IRF3: variants seen among roughly 807,000 people sequenced by gnomAD.
IRF3 encodes the protein interferon regulatory factor 3.
In IRF3, 29 loss-of-function variants were observed where a neutral mutation model predicts 43.2. The observed-to-expected ratio is 0.67, with a 90% CI of 0.50 to 0.91. IRF3 has a LOEUF of 0.91. Among genes scored for constraint, IRF3 ranks in the 40% least tolerant of loss-of-function variants. The pLI is 0.00. For synonymous variants in IRF3, 228 were observed against 233.9 expected (o/e 0.97, Z 0.23); for missense variants, 505 against 559.1 (o/e 0.90, Z 0.98).
At chr19:49,663,630 T>G in intron 2 of IRF3, 116 bp from the exon 3 acceptor site, 1 of 963,632 alleles carries the variant, frequency 1.0e-6, no homozygotes. Context: ...AAGTTCTAAC[T>G]CTGCAAGGTC....
At chr19:49,662,362 G>A in intron 5 of IRF3, 34 bp from the exon 6 acceptor site, 1 of 1,608,390 alleles carries the variant, frequency 6.2e-7, no homozygotes, top group African/African-American at 1.3e-5. Flanking sequence ...GAAGGGGAGA[G>A]GGGTTGAGAA....
rs916501770 is a variant in IRF3 at position 49,662,160 on chromosome 19, A to G, written c.770T>C (p.Val257Ala). 6.2e-7 allele frequency: 1 copy of G among 1,613,670 alleles called. No individual in the cohort carries two copies. The highest frequency in any genetic ancestry group is 8.5e-7 in the Non-Finnish European group (1 of 1,179,940). ...DPGMSLTDRGVMSYVRHVLSC... is the reference protein window; with the variant it reads ...DPGMSLTDRGAMSYVRHVLSC... ...CAGCACATGCCTCACGTAGCTCATC[A>G]CTCCCCTGTCTGTCAGGGACATGCC... Residue 257 changes from valine to alanine, a missense_variant, in exon 6 of 8, where the codon GTG (valine) becomes GCG (alanine). By Grantham distance (64) the Val-to-Ala change is moderately conservative. Transcript: ENST00000377139.
Position 49,660,029 on chromosome 19 carries a change from C to CACACA in IRF3, c.1099-197_1099-196insTGTGT, listed in dbSNP as rs1568452113. Reference sequence around the variant, plus strand: ...CACACACACACACACACACACACACCCCCTGCTGTAACTGAACCATAGGCC... The same window carrying CACACA: ...CACACACACACACACACACACACACCACACACCCTGCTGTAACTGAACCATAGGCC... On this transcript the variant is annotated intron_variant, in intron 7 of 7. Coordinates refer to ENST00000377139, the MANE Select transcript of IRF3 (RefSeq NM_001571.6). Among the ~76,000 whole-genome samples, 56 of 48,568 alleles carry CACACA rather than the reference C, an allele frequency of 1.2e-3. 1 individual carries two copies. Among genetic ancestry groups the CACACA allele is most frequent in the South Asian group, 2.9e-3 (5 of 1,730 alleles). The allele number at this position is 48,568 out of a possible 152,430, so 31.9% of individuals were successfully genotyped here. A position where few individuals can be genotyped will look rare whatever the true frequency, so the allele number is the denominator to read the frequency against.
At chr19:49,663,540 G>T (rs1244209243) in intron 2 of IRF3, 26 bp from the exon 3 acceptor site, 9 of 1,612,130 alleles carry the variant, frequency 5.6e-6, no homozygotes, top group Admixed American at 5.0e-5. Flanking sequence ...TGTCAGGATG[G>T]TGGGGGAGGA....
intron 1 of IRF3, 99 bp downstream of exon 1, chr19:49,665,532 G>A (rs1001282160): frequency 5.5e-6 from 2 of 362,048 alleles, no homozygotes; most frequent in Non-Finnish European, 5.1e-6. Flanking sequence ...TTTCCCCAGA[G>A]TACACAGCCT....
intron 7 of IRF3, among the ~76,000 whole-genome samples, 188 bp from the exon 8 acceptor site, chr19:49,660,021 A>ACC (rs2081228701): frequency 8.5e-6 from 1 of 117,116 alleles, no homozygotes; most frequent in African/African-American, 4.4e-5. Flanking sequence ...ACACACACAC[A>ACC]CACACACCCC....
At chr19:49,664,464 C>T (rs767443695) in intron 2 of IRF3, 169 of 1,527,244 alleles carry the variant, frequency 1.1e-4, no homozygotes, top group Non-Finnish European at 1.3e-4. Flanking sequence ...GTTTTATTCC[C>T]GTAACCCTGC....
At chr19:49,660,029 C>CACACACACACACACACACA (rs1568452113) in intron 7 of IRF3, among the ~76,000 whole-genome samples, 196 bp from the exon 8 acceptor site, 9 of 48,562 alleles carry the variant, frequency 1.9e-4, no homozygotes, top group Non-Finnish European at 2.9e-4. Context: ...ACACACACAC[C>CACACACACACACACACACA]CCCTGCTGTA....
At position 49,665,693 on chromosome 19, in the gene IRF3, A is replaced by T; in HGVS notation, c.-71T>A. ...CCACCCCTGTCTTGGAGCTCCGGGTAGCTCTCAAACTCGAGGCTGCGCACC... is the reference window on the plus strand; with the variant it reads ...CCACCCCTGTCTTGGAGCTCCGGGTTGCTCTCAAACTCGAGGCTGCGCACC... On this transcript the variant is annotated 5_prime_UTR_variant, in exon 1 of 8. Coordinates refer to ENST00000377139, the MANE Select transcript of IRF3 (RefSeq NM_001571.6). 3 of 1,237,942 alleles carry T rather than the reference A, an allele frequency of 2.4e-6. No homozygotes were observed. Among genetic ancestry groups the T allele is most frequent in the Non-Finnish European group, 3.3e-6 (3 of 901,118 alleles). The allele number at this position is 1,237,942 out of a possible 1,614,324, so 76.7% of individuals were successfully genotyped here. A position where few individuals can be genotyped will look rare whatever the true frequency, so the allele number is the denominator to read the frequency against.
Position 49,665,658 on chromosome 19 carries a change from C to A in IRF3, c.-36G>T. 3 of 879,530 alleles carry A rather than the reference C, an allele frequency of 3.4e-6. No individual in the cohort carries two copies. Among genetic ancestry groups the A allele is most frequent in the South Asian group, 1.8e-5 (1 of 56,154 alleles). 54.5% of individuals were successfully genotyped at this position (879,530 alleles called of 1,614,324 possible). On this transcript the variant is annotated 5_prime_UTR_variant, in exon 1 of 8. Transcript: ENST00000377139. Reference sequence around the variant, plus strand: ...ACGATGGAAGGTCGGGGCGTGCGGGCAGCTGGAACCCACCCCTGTCTTGGA... The same window carrying A: ...ACGATGGAAGGTCGGGGCGTGCGGGAAGCTGGAACCCACCCCTGTCTTGGA...
At chr19:49,661,012 GT>G in intron 6 of IRF3, 184 bp from the exon 7 acceptor site, 1 of 660,064 alleles carries the variant, frequency 1.5e-6, no homozygotes, top group South Asian at 2.0e-5. Context: ...TCAGGGTGGG[GT>G]TGTTGGAAGG....
rs980322093 is a variant in IRF3 at position 49,665,725 on chromosome 19, C to G, written c.-103G>C. On this transcript the variant is annotated 5_prime_UTR_variant, in exon 1 of 8. Coordinates refer to ENST00000377139, the MANE Select transcript of IRF3 (RefSeq NM_001571.6). ...AAACTCGAGGCTGCGCACCCCCTTT[C>G]CCGTCAGCTGAGCTCTAGAGCGCTG... 5 of 1,463,384 alleles carry G rather than the reference C, an allele frequency of 3.4e-6. No individual in the cohort carries two copies. Among genetic ancestry groups the G allele is most frequent in the Non-Finnish European group, 4.6e-6 (5 of 1,094,560 alleles). 90.6% of individuals were successfully genotyped at this position (1,463,384 alleles called of 1,614,324 possible).
chr19:49,665,746 C>A lies in IRF3; in HGVS notation c.-124G>T. On this transcript the variant is annotated 5_prime_UTR_variant, in exon 1 of 8. Coordinates refer to ENST00000377139, the MANE Select transcript of IRF3 (RefSeq NM_001571.6). ...CTTTCCCGTCAGCTGAGCTCTAGAGCGCTGGGGCTTTCTTTTTGATCGACT... is the reference window on the plus strand; with the variant it reads ...CTTTCCCGTCAGCTGAGCTCTAGAGAGCTGGGGCTTTCTTTTTGATCGACT... 6.6e-7 allele frequency: 1 copy of A among 1,520,158 alleles called. No homozygotes were observed. Among genetic ancestry groups the A allele is most frequent in the Non-Finnish European group, 8.9e-7 (1 of 1,128,404 alleles). 94.2% of individuals were successfully genotyped at this position (1,520,158 alleles called of 1,614,324 possible).
chr19:49,665,140 G>C (rs2081611215), intron 1 of IRF3: 2 of 362,228 alleles, frequency 5.5e-6, no homozygotes, highest in Non-Finnish European at 1.0e-5. Flanking sequence ...CCACATCATC[G>C]AAAGTAAGTA....
At position 49,663,454 on chromosome 19, in the gene IRF3, A is replaced by T. The variant is rs2081446514; in HGVS notation, c.226T>A (p.Trp76Arg). Residue 76 changes from tryptophan to arginine, a missense_variant, in exon 3 of 8, where the codon TGG becomes AGG. Physicochemically the swap from Trp to Arg is moderately radical, Grantham distance 101. Coordinates refer to ENST00000377139, the MANE Select transcript of IRF3 (RefSeq NM_001571.6). ...AGGGCAGAGCGGAAATTCCTCTTCC[A>T]GGTTGGCAGGTCTGGCTTATCCCTC... ...PGRDKPDLPT[W>R]KRNFRSALNR... The T allele has an allele frequency of 2.5e-6, 4 of 1,614,226 alleles. No homozygotes were observed. The highest frequency in any genetic ancestry group is 1.3e-5 in the African/African-American group (1 of 75,056).
Position 49,662,176 on chromosome 19 carries a change from G to C in IRF3, c.754C>G (p.Leu252Val), listed in dbSNP as rs1225883677. ...PVTLPDPGMS[L>V]TDRGVMSYVR... ...TAGCTCATCACTCCCCTGTCTGTCA[G>C]GGACATGCCAGGGTCTGGCAGTGTG... Residue 252 changes from leucine to valine, a missense_variant, in exon 6 of 8, where the codon CTG (leucine) becomes GTG (valine). Transcript: ENST00000377139. 3.7e-5 allele frequency: 60 copies of C among 1,614,002 alleles called. No homozygotes were observed. The highest frequency in any genetic ancestry group is 5.1e-5 in the Non-Finnish European group (60 of 1,180,054).
rs145762717 is a variant in IRF3 at position 49,665,841 on chromosome 19, G to A, written c.-219C>T. The A allele has an allele frequency of 1.5e-5, 24 of 1,598,286 alleles. No homozygotes were observed. Among genetic ancestry groups the A allele is most frequent in the African/African-American group, 5.3e-5 (4 of 74,772 alleles). ...AAAAGCCGATGGGACGGCCCGCTGG[G>A]CTGTTCCCGCCCCTATGCCCTTTTT... is the stretch of plus-strand genomic sequence containing the variant. On this transcript the variant is annotated 5_prime_UTR_variant, in exon 1 of 8. Transcript: ENST00000377139.
rs1568451901 is a variant in IRF3 at position 49,660,024 on chromosome 19, CA to C, written c.1099-192del. Among the ~76,000 whole-genome samples the C allele has an allele frequency of 4.1e-4, 50 of 120,916 alleles. 1 individual carries two copies. The highest frequency in any genetic ancestry group is 2.7e-4 in the South Asian group (1 of 3,728). 79.3% of individuals were successfully genotyped at this position (120,916 alleles called of 152,430 possible). ...ACACACACACACACACACACACACA[CA>C]CACCCCCTGCTGTAACTGAACCATA... is the stretch of plus-strand genomic sequence containing the variant. On this transcript the variant is annotated intron_variant, in intron 7 of 7. Coordinates refer to ENST00000377139, the MANE Select transcript of IRF3 (RefSeq NM_001571.6).
intron 2 of IRF3, 51 bp from the exon 3 acceptor site, chr19:49,663,565 C>A: frequency 6.3e-7 from 1 of 1,580,232 alleles, no homozygotes; most frequent in South Asian, 1.1e-5. Context: ...TTAGATCCTG[C>A]TCCTGGGGCC....
Sources: allele counts gnomAD v4.1 joint callset (sites outside exome capture counted in the v4.1 genomes callset), GRCh38; gene constraint gnomAD v4.1.1; transcripts MANE v1.5; gene names NCBI Gene and HGNC (gene_info 2026-07-23, HGNC 2026-07-21).